The following PARVA variants were observed in gnomAD, a reference collection of about 807,000 sequenced individuals.
The protein encoded by PARVA is alpha-parvin.
Under a neutral mutation model 52.6 loss-of-function variants are expected in PARVA, and 25 were observed. That is an observed-to-expected ratio of 0.48 (90% CI 0.35 to 0.66). The LOEUF (loss-of-function observed/expected upper bound fraction) is 0.66, where lower values mean the gene tolerates loss of function less well. Ranked by LOEUF, PARVA falls within the 30% of genes least tolerant of loss-of-function variation. The probability of loss-of-function intolerance (pLI) is 0.01; values close to 1 mark genes in which losing one functional copy is unlikely to be tolerated. For synonymous variants in PARVA, 185 were observed against 179.1 expected (o/e 1.03, Z -0.26); for missense variants, 373 against 450.9 (o/e 0.83, Z 1.56).
upstream of PARVA, chr11:12,376,831 T>TTGTCA (rs1269376100): frequency 1.8e-6 from 1 of 557,284 alleles, no homozygotes; most frequent in African/African-American, 2.0e-5. Context: ...ATGAGTCTGG[T>TTGTCA]TGTCACTCTC....
At chr11:12,402,912 T>C (rs1001232533) in intron 1 of PARVA, among the ~76,000 whole-genome samples, 6 of 152,326 alleles carry the variant, frequency 3.9e-5, no homozygotes, top group Admixed American at 2.0e-4. Flanking sequence ...GAAATCCAAA[T>C]ACATTTTTCT....
intron 1 of PARVA, among the ~76,000 whole-genome samples, chr11:12,450,118 A>T (rs1347035308): frequency 1.3e-5 from 2 of 152,234 alleles, no homozygotes; most frequent in Non-Finnish European, 2.9e-5. Context: ...GACATGAGAG[A>T]GTTAAGTAAC....
chr11:12,516,298 A>G (rs1045727665), intron 10 of PARVA, among the ~76,000 whole-genome samples: 3 of 152,184 alleles, frequency 2.0e-5, no homozygotes, highest in Non-Finnish European at 4.4e-5. Flanking sequence ...CCCAGCAGCT[A>G]TATACACTCA....
At chr11:12,475,592 C>T (rs1420799569) in intron 3 of PARVA, among the ~76,000 whole-genome samples, 1 of 152,176 alleles carries the variant, frequency 6.6e-6, no homozygotes, top group Non-Finnish European at 1.5e-5. Context: ...CAGGAGTATT[C>T]AGAAGTAAAA....
At chr11:12,487,039 C>T (rs1310495310) in intron 4 of PARVA, among the ~76,000 whole-genome samples, 1 of 152,130 alleles carries the variant, frequency 6.6e-6, no homozygotes, top group African/African-American at 2.4e-5. Context: ...GAAGGAACTC[C>T]AGCAGAGCAT....
At chr11:12,395,944 G>T (rs75661106) in intron 1 of PARVA, among the ~76,000 whole-genome samples, 2,325 of 152,322 alleles carry the variant, frequency 0.015, 55 homozygotes, top group African/African-American at 0.052. Context: ...AACTCAGAAG[G>T]TTGAAAAAGA....
At chr11:12,438,025 C>A (rs1349554816) in intron 1 of PARVA, among the ~76,000 whole-genome samples, 2 of 152,102 alleles carry the variant, frequency 1.3e-5, no homozygotes, top group African/African-American at 2.4e-5. Context: ...CTTTGGGAGG[C>A]CGAGGCGGGT....
chr11:12,411,433 G>T (rs1221622136), intron 1 of PARVA, among the ~76,000 whole-genome samples: 2 of 152,112 alleles, frequency 1.3e-5, no homozygotes, highest in Non-Finnish European at 2.9e-5. Context: ...ATCAACTAAA[G>T]TTCATACTTT....
At chr11:12,518,573 T>C (rs928419191) in intron 12 of PARVA, 56 bp downstream of exon 12, 3 of 1,253,816 alleles carry the variant, frequency 2.4e-6, no homozygotes, top group Non-Finnish European at 3.5e-6. Context: ...TCCCTGCACA[T>C]GAGTACTCAG....
chr11:12,516,051 C>T (rs1941563477), intron 10 of PARVA, among the ~76,000 whole-genome samples: 1 of 152,190 alleles, frequency 6.6e-6, no homozygotes, highest in Non-Finnish European at 1.5e-5. Context: ...GTTGCCCAGG[C>T]CAGTCTGGAA....
At chr11:12,377,406 G>T, upstream of PARVA, 1 of 1,362,566 alleles carries the variant, frequency 7.3e-7, no homozygotes, top group Non-Finnish European at 9.4e-7. Flanking sequence ...CCCTGCTTGG[G>T]GCAACCCAGG....
chr11:12,433,312 C>T (rs1321345932), intron 1 of PARVA, among the ~76,000 whole-genome samples: 3 of 152,218 alleles, frequency 2.0e-5, no homozygotes, highest in African/African-American at 7.2e-5. Context: ...CAGATGGCCA[C>T]AAAATGTGTA....
At chr11:12,465,717 T>G (rs2135028107) in intron 1 of PARVA, among the ~76,000 whole-genome samples, 2 of 152,356 alleles carry the variant, frequency 1.3e-5, no homozygotes, top group East Asian at 3.9e-4. Context: ...TATCACTAAA[T>G]AATAATTTTC....
At chr11:12,439,694 G>GCTCCTCCCACCCCACTTCCTATC (rs1940435848) in intron 1 of PARVA, among the ~76,000 whole-genome samples, 7 of 152,158 alleles carry the variant, frequency 4.6e-5, no homozygotes, top group African/African-American at 1.7e-4. Flanking sequence ...GGCCCATGCT[G>GCTCCTCCCACCCCACTTCCTATC]CTCCTCCCAC....
At chr11:12,418,365 C>T (rs540715660) in intron 1 of PARVA, among the ~76,000 whole-genome samples, 99 of 152,198 alleles carry the variant, frequency 6.5e-4, no homozygotes, top group Non-Finnish European at 1.3e-3. Flanking sequence ...TCTTGCCCTT[C>T]CATCTGCTTG....
At chr11:12,486,903 A>G (rs1445254165) in intron 4 of PARVA, among the ~76,000 whole-genome samples, 3 of 152,206 alleles carry the variant, frequency 2.0e-5, no homozygotes, top group African/African-American at 7.2e-5. Context: ...ACCATGAACT[A>G]AGAGTTTTAG....
At chr11:12,421,243 T>C (rs752321803) in intron 1 of PARVA, among the ~76,000 whole-genome samples, 16 of 152,036 alleles carry the variant, frequency 1.1e-4, no homozygotes, top group Non-Finnish European at 2.2e-4. Flanking sequence ...ATTAGAAATA[T>C]CTCTGCCCAA....
At chr11:12,413,507 G>A (rs140844915) in intron 1 of PARVA, among the ~76,000 whole-genome samples, 84 of 152,312 alleles carry the variant, frequency 5.5e-4, no homozygotes, top group Non-Finnish European at 8.4e-4. Flanking sequence ...AGGGATGTCT[G>A]CTAGAATGCG....
At chr11:12,504,519 T>C (rs55790928) in intron 6 of PARVA, 90 bp downstream of exon 6, 18,838 of 754,484 alleles carry the variant, frequency 0.025, 1,673 homozygotes, top group African/African-American at 0.23. Flanking sequence ...ATTAGAAGGA[T>C]GGCTGCATGA....
Sources: allele counts gnomAD v4.1 joint callset (sites outside exome capture counted in the v4.1 genomes callset), GRCh38; gene constraint gnomAD v4.1.1; transcripts MANE v1.5; gene names NCBI Gene and HGNC (gene_info 2026-07-23, HGNC 2026-07-21).